The following GPHN variants were observed in gnomAD, a reference collection of about 807,000 sequenced individuals.
GPHN encodes gephyrin.
In GPHN, 17 loss-of-function variants were observed where a neutral mutation model predicts 95.5. The observed-to-expected ratio is 0.18, with a 90% confidence interval of 0.12 to 0.27. The LOEUF is 0.27. Ranked by LOEUF, GPHN falls within the 10% of genes least tolerant of loss-of-function variation. The pLI is 1.00. For missense variants in GPHN, 660 were observed against 978.1 expected (o/e 0.67, Z 4.34); for synonymous variants, 320 against 322.5 (o/e 0.99, Z 0.08).
chr14:66,780,932 G>A (rs1401499731), intron 3 of GPHN, among the ~76,000 whole-genome samples: 2 of 152,112 alleles, frequency 1.3e-5, no homozygotes, highest in Non-Finnish European at 1.5e-5. Context: ...GCTACCTATA[G>A]TATATACCAT....
At chr14:66,548,683 G>A (rs554178787) in intron 1 of GPHN, among the ~76,000 whole-genome samples, 44 of 152,208 alleles carry the variant, frequency 2.9e-4, no homozygotes, top group South Asian at 2.1e-3. Context: ...GCCTCTAGGT[G>A]TTCAAGATCT....
intron 1 of GPHN, among the ~76,000 whole-genome samples, chr14:66,571,911 T>A (rs1295105965): frequency 1.3e-5 from 2 of 152,238 alleles, no homozygotes; most frequent in Admixed American, 1.3e-4. Flanking sequence ...TTTCAGGTTG[T>A]ATATTTGAGT....
At chr14:66,581,462 TAAAGGAAGACAGCAAG>T (rs2061167885) in intron 1 of GPHN, among the ~76,000 whole-genome samples, 1 of 151,592 alleles carries the variant, frequency 6.6e-6, no homozygotes, top group African/African-American at 2.4e-5. Context: ...CCTCTAACCA[TAAAGGAAGACAGCAAG>T]AAAGGAAGAA....
At chr14:67,655,919 C>T in the GPHN span, among the ~76,000 whole-genome samples, 1 of 152,098 alleles carries the variant, frequency 6.6e-6, no homozygotes, top group Non-Finnish European at 1.5e-5. Context: ...AAAATTGCTT[C>T]TAAGGGACAT....
chr14:67,463,499 C>T, the GPHN span, among the ~76,000 whole-genome samples: 2 of 152,074 alleles, frequency 1.3e-5, no homozygotes, highest in African/African-American at 2.4e-5. Context: ...ATTAACTGGG[C>T]GTGGCGGCAC....
At chr14:67,201,418 T>G in the GPHN span, 1 of 455,962 alleles carries the variant, frequency 2.2e-6, no homozygotes, top group Non-Finnish European at 4.4e-6. Flanking sequence ...CTTTTTGCTC[T>G]GTCACCTTCA....
intron 7 of GPHN, 79 bp downstream of exon 7, chr14:66,923,017 C>G: frequency 8.3e-7 from 1 of 1,203,968 alleles, no homozygotes; most frequent in South Asian, 1.2e-5. Flanking sequence ...TGCATCGCAT[C>G]CCTCCCTACA....
At chr14:66,854,791 T>C (rs2062729275) in intron 4 of GPHN, among the ~76,000 whole-genome samples, 1 of 152,148 alleles carries the variant, frequency 6.6e-6, no homozygotes, top group Admixed American at 6.5e-5. Flanking sequence ...GTATATTACA[T>C]TTATTTTCTA....
At chr14:66,812,309 C>T (rs964557500) in intron 3 of GPHN, among the ~76,000 whole-genome samples, 2 of 152,136 alleles carry the variant, frequency 1.3e-5, no homozygotes, top group African/African-American at 4.8e-5. Flanking sequence ...TCACTGCTTA[C>T]TAAAATTTAA....
intron 11 of GPHN, among the ~76,000 whole-genome samples, chr14:67,088,497 TTTC>T (rs1385538804): frequency 3.9e-5 from 6 of 152,202 alleles, no homozygotes; most frequent in African/African-American, 1.4e-4. Flanking sequence ...GAATCTATCA[TTTC>T]TTATTTAAGT....
intron 1 of GPHN, among the ~76,000 whole-genome samples, chr14:66,670,747 G>A (rs1252223144): frequency 6.6e-6 from 1 of 152,102 alleles, no homozygotes; most frequent in Non-Finnish European, 1.5e-5. Context: ...AGCCGAGATC[G>A]CACCACTGCG....
At chr14:67,515,460 G>A in the GPHN span, 1 of 168,862 alleles carries the variant, frequency 5.9e-6, no homozygotes, top group South Asian at 1.4e-4. Context: ...GTACGGATGC[G>A]CTGCAAACTG....
At chr14:66,712,917 TG>T in intron 2 of GPHN, among the ~76,000 whole-genome samples, 1 of 152,362 alleles carries the variant, frequency 6.6e-6, no homozygotes, top group South Asian at 2.1e-4. Context: ...CATTTTTTCA[TG>T]TGTTTGTTGC....
the GPHN span, chr14:67,441,984 A>C: frequency 6.5e-6 from 1 of 153,986 alleles, no homozygotes; most frequent in Non-Finnish European, 1.5e-5. Context: ...ATTCCAGACT[A>C]ATATAGGCCC....
the GPHN span, among the ~76,000 whole-genome samples, chr14:67,452,554 C>T: frequency 6.6e-6 from 1 of 152,146 alleles, no homozygotes; most frequent in East Asian, 1.9e-4. Flanking sequence ...GTCCAAGTGG[C>T]CCTGTGCCTT....
At chr14:67,350,154 G>C in the GPHN span, among the ~76,000 whole-genome samples, 2 of 152,194 alleles carry the variant, frequency 1.3e-5, no homozygotes, top group Non-Finnish European at 1.5e-5. Context: ...AAGCCATGAA[G>C]TTCATGCCTT....
At chr14:67,695,763 T>G in the GPHN span, 7 of 1,518,526 alleles carry the variant, frequency 4.6e-6, no homozygotes, top group Admixed American at 1.2e-4. Context: ...CGACTATGGC[T>G]TCTCTTTCTA....
At chr14:66,826,321 C>G (rs2061383488) in intron 4 of GPHN, among the ~76,000 whole-genome samples, 1 of 152,180 alleles carries the variant, frequency 6.6e-6, no homozygotes, top group African/African-American at 2.4e-5. Flanking sequence ...TGCTTTTACT[C>G]ACACTTCTGA....
At chr14:66,918,138 C>T (rs374069048) in intron 6 of GPHN, among the ~76,000 whole-genome samples, 15 of 152,260 alleles carry the variant, frequency 9.9e-5, no homozygotes, top group African/African-American at 2.9e-4. Context: ...GGAAAGAATA[C>T]GGATTAAAGT....
Sources: allele counts gnomAD v4.1 joint callset (sites outside exome capture counted in the v4.1 genomes callset), GRCh38; gene constraint gnomAD v4.1.1; transcripts MANE v1.5; gene names NCBI Gene and HGNC (gene_info 2026-07-23, HGNC 2026-07-21).